Variants in FRMD5 observed in about 807,000 individuals in gnomAD.
FRMD5 encodes FERM domain-containing protein 5.
A neutral mutation model predicts 69.0 loss-of-function variants in FRMD5; 20 were observed. The ratio of observed to expected loss-of-function variants is 0.29; its 90% confidence interval spans 0.20 to 0.42. The LOEUF is 0.42. Ranked by LOEUF, FRMD5 falls within the 10% of genes least tolerant of loss-of-function variation. The probability of loss-of-function intolerance (pLI) is 1.00; values close to 1 mark genes in which losing one functional copy is unlikely to be tolerated. For missense variants in FRMD5, 595 were observed against 708.6 expected, an observed-to-expected ratio of 0.84 and a Z score of 1.82; for synonymous variants, 271 against 260.1, an observed-to-expected ratio of 1.04 and a Z score of -0.40.
chr15:44,091,349 T>C (rs1991324), intron 1 of FRMD5, among the ~76,000 whole-genome samples: 95,239 of 152,014 alleles, frequency 0.63, 34,073 homozygotes, highest in Non-Finnish European at 0.78. Context: ...TAGATATATA[T>C]GCACACACAC....
At chr15:44,050,120 C>A (rs1369237732) in intron 1 of FRMD5, among the ~76,000 whole-genome samples, 1 of 152,086 alleles carries the variant, frequency 6.6e-6, no homozygotes, top group African/African-American at 2.4e-5. Context: ...TAAACCATAT[C>A]TTTCACAAAA....
chr15:44,068,376 G>T (rs1367725805), intron 1 of FRMD5, among the ~76,000 whole-genome samples: 3 of 152,090 alleles, frequency 2.0e-5, no homozygotes, highest in African/African-American at 4.8e-5. Flanking sequence ...AAGAAAATGT[G>T]GGATATCCAT....
intron 1 of FRMD5, among the ~76,000 whole-genome samples, chr15:44,125,344 C>T: frequency 6.6e-6 from 1 of 152,218 alleles, no homozygotes; most frequent in Middle Eastern, 3.4e-3. Flanking sequence ...TCATCCTCAT[C>T]TATGGGTCTT....
intron 2 of FRMD5, 82 bp downstream of exon 2, chr15:43,924,123 A>T: frequency 9.2e-7 from 1 of 1,084,570 alleles, no homozygotes; most frequent in Non-Finnish European, 1.4e-6. Context: ...CTGAAGCTTG[A>T]CTTTGAATAT....
chr15:43,920,455 G>A (rs953332318), intron 2 of FRMD5, among the ~76,000 whole-genome samples: 7 of 152,170 alleles, frequency 4.6e-5, no homozygotes, highest in Admixed American at 2.6e-4. Context: ...CAACGTGTAG[G>A]ATAGTACCTT....
intron 1 of FRMD5, among the ~76,000 whole-genome samples, chr15:43,978,538 T>A (rs1376748120): frequency 2.6e-5 from 4 of 152,154 alleles, no homozygotes; most frequent in Non-Finnish European, 4.4e-5. Flanking sequence ...AGACGTACAT[T>A]TGGTTAACAT....
chr15:44,017,000 G>GCA (rs1890991981), intron 1 of FRMD5, among the ~76,000 whole-genome samples: 1 of 151,930 alleles, frequency 6.6e-6, no homozygotes, highest in Non-Finnish European at 1.5e-5. Flanking sequence ...GAACTCCTGG[G>GCA]CTCAAGTGAT....
intron 1 of FRMD5, among the ~76,000 whole-genome samples, chr15:43,992,724 T>C (rs1889745038): frequency 6.6e-6 from 1 of 152,126 alleles, no homozygotes; most frequent in South Asian, 2.1e-4. Flanking sequence ...ATTCTTATTT[T>C]ATTTTTAGAG....
chr15:43,888,153 C>G, intron 10 of FRMD5, 22 bp downstream of exon 10: 1 of 1,551,784 alleles, frequency 6.4e-7, no homozygotes, highest in Non-Finnish European at 8.9e-7. Context: ...AAAGACAGTC[C>G]CCATCACATG....
chr15:44,031,061 T>C (rs1158733846), intron 1 of FRMD5, among the ~76,000 whole-genome samples: 4 of 152,082 alleles, frequency 2.6e-5, no homozygotes, highest in Non-Finnish European at 5.9e-5. Flanking sequence ...GCCAAGTGAC[T>C]AGATACTCAC....
At chr15:44,168,407 C>T (rs1045574803) in intron 1 of FRMD5, among the ~76,000 whole-genome samples, 2 of 152,176 alleles carry the variant, frequency 1.3e-5, no homozygotes, top group African/African-American at 4.8e-5. Context: ...ATTAAGTTCT[C>T]ATAAGGATTA....
intron 1 of FRMD5, among the ~76,000 whole-genome samples, chr15:44,005,065 A>G (rs1396961942): frequency 2.0e-5 from 3 of 152,214 alleles, no homozygotes; most frequent in East Asian, 1.9e-4. Flanking sequence ...TTACCTCTCA[A>G]TTCTGTGAAG....
intron 1 of FRMD5, among the ~76,000 whole-genome samples, chr15:44,184,286 T>G (rs1338060273): frequency 6.6e-6 from 1 of 152,144 alleles, no homozygotes; most frequent in African/African-American, 2.4e-5. Context: ...TATTAATCCA[T>G]TAAGAAATTA....
intron 1 of FRMD5, among the ~76,000 whole-genome samples, chr15:44,110,320 G>A (rs1442416402): frequency 6.6e-6 from 1 of 152,180 alleles, no homozygotes; most frequent in Non-Finnish European, 1.5e-5. Context: ...AGCCTCCTGA[G>A]TAGCTGGGAC....
intron 1 of FRMD5, among the ~76,000 whole-genome samples, chr15:43,992,633 C>T (rs1467801329): frequency 2.6e-5 from 4 of 152,150 alleles, no homozygotes; most frequent in South Asian, 4.1e-4. Flanking sequence ...CTGCCTTGGC[C>T]GCCCAAAACG....
At chr15:43,883,905 A>G (rs8023508) in intron 12 of FRMD5, 96 bp from the exon 13 acceptor site, 134,530 of 857,260 alleles carry the variant, frequency 0.16, 14,197 homozygotes, top group African/African-American at 0.44. Context: ...TTGCCTGGCT[A>G]TATTAAGTCT....
chr15:44,042,767 G>A (rs1892257955), intron 1 of FRMD5, among the ~76,000 whole-genome samples: 1 of 152,184 alleles, frequency 6.6e-6, no homozygotes, highest in Non-Finnish European at 1.5e-5. Context: ...AGCTACTGAT[G>A]GAACGTATCT....
At chr15:44,016,165 C>T (rs945926706) in intron 1 of FRMD5, among the ~76,000 whole-genome samples, 1 of 152,172 alleles carries the variant, frequency 6.6e-6, no homozygotes, top group East Asian at 1.9e-4. Flanking sequence ...TAAACAGCAA[C>T]ATCTGCAAAC....
chr15:44,131,305 GT>G (rs1224706867), intron 1 of FRMD5, among the ~76,000 whole-genome samples: 3 of 152,066 alleles, frequency 2.0e-5, no homozygotes, highest in Non-Finnish European at 4.4e-5. Flanking sequence ...AATAACAAGT[GT>G]TGGTGAGGAT....
Sources: allele counts gnomAD v4.1 joint callset (sites outside exome capture counted in the v4.1 genomes callset), GRCh38; gene constraint gnomAD v4.1.1; transcripts MANE v1.5; gene names NCBI Gene and HGNC (gene_info 2026-07-23, HGNC 2026-07-21).